OTUD7A: variants seen among roughly 807,000 people sequenced by gnomAD.
The protein encoded by OTUD7A is OTU deubiquitinase 7A, also known as OTU domain-containing protein 7A.
OTUD7A carries 12 observed loss-of-function variants against 65.7 expected under a neutral mutation model. The ratio of observed to expected loss-of-function variants is 0.18; its 90% CI spans 0.12 to 0.30. The LOEUF (loss-of-function observed/expected upper bound fraction) is 0.30, where lower values mean the gene tolerates loss of function less well. Ranked by LOEUF, OTUD7A falls within the 10% of genes least tolerant of loss-of-function variation. The pLI, the probability that OTUD7A is intolerant of heterozygous loss-of-function variation, is 1.00. For missense variants in OTUD7A, 1,148 were observed against 1,304.8 expected, an observed-to-expected ratio of 0.88 and a Z score of 1.85; for synonymous variants, 641 against 586.3, an observed-to-expected ratio of 1.09 and a Z score of -1.35.
rs116867211 is a variant in OTUD7A at position 31,777,032 on chromosome 15, G to C, written c.-100+93475C>G. 3.4e-3 allele frequency among the ~76,000 whole-genome samples: 510 copies of C among 151,992 alleles called. 4 individuals carry two copies. The highest frequency in any genetic ancestry group is 6.3e-3 in the Non-Finnish European group (430 of 67,978). On this transcript the variant is annotated intron_variant, in intron 1 of 12. Coordinates refer to ENST00000307050, the MANE Select transcript of OTUD7A (RefSeq NM_001382637.1). ...ACAAGGCCACCTGCCCCCTAGCTCAGTGCATTTGGACAGCTGTAATGTGAT... is the reference window on the plus strand; with the variant it reads ...ACAAGGCCACCTGCCCCCTAGCTCACTGCATTTGGACAGCTGTAATGTGAT...
chr15:31,636,290 C>T (rs2141256294), intron 3 of OTUD7A, among the ~76,000 whole-genome samples: 1 of 152,290 alleles, frequency 6.6e-6, no homozygotes, highest in South Asian at 2.1e-4. Flanking sequence ...CAAACTTTTC[C>T]ATTAGGATTA....
chr15:31,734,382 T>C (rs1378992077), intron 1 of OTUD7A, among the ~76,000 whole-genome samples: 1 of 152,210 alleles, frequency 6.6e-6, no homozygotes, highest in Admixed American at 6.5e-5. Context: ...ATTGAGATTC[T>C]TCATAGAACT....
intron 1 of OTUD7A, among the ~76,000 whole-genome samples, chr15:31,762,410 C>T (rs1050033624): frequency 3.9e-5 from 6 of 152,188 alleles, no homozygotes; most frequent in South Asian, 2.1e-4. Flanking sequence ...ACACTAAAGC[C>T]CTGGCTATCT....
chr15:31,572,614 G>A (rs1217398615), intron 3 of OTUD7A, among the ~76,000 whole-genome samples: 2 of 152,132 alleles, frequency 1.3e-5, no homozygotes, highest in Non-Finnish European at 2.9e-5. Flanking sequence ...CACTCAGAGA[G>A]GGATGAGCTG....
chr15:31,687,158 T>G (rs1216158807), intron 1 of OTUD7A, among the ~76,000 whole-genome samples: 1 of 150,142 alleles, frequency 6.7e-6, no homozygotes, highest in East Asian at 1.9e-4. Context: ...AATTGGTTAC[T>G]GACTGAAAGG....
At chr15:31,858,682 C>T (rs1397142696) in intron 1 of OTUD7A, among the ~76,000 whole-genome samples, 1 of 152,230 alleles carries the variant, frequency 6.6e-6, no homozygotes, top group African/African-American at 2.4e-5. Flanking sequence ...GGCCAGGTTC[C>T]CCGTCTTGCC....
At chr15:31,547,747 C>T (rs992939621) in intron 5 of OTUD7A, among the ~76,000 whole-genome samples, 1 of 152,126 alleles carries the variant, frequency 6.6e-6, no homozygotes, top group African/African-American at 2.4e-5. Context: ...AGTTCAGACA[C>T]ACCCCAAGGC....
rs138293032 is a variant in OTUD7A, at chr15:31,553,249, T to C, written c.550+5720A>G. Among the ~76,000 whole-genome samples the C allele has an allele frequency of 4.3e-3, 660 of 152,272 alleles. 7 individuals are homozygous for C. The highest frequency in any genetic ancestry group is 0.015 in the African/African-American group (624 of 41,542). Reference sequence around the variant, plus strand: ...CCCAGGCCCGCACATTCCCAGTCTCTTCTGCTGGCTCCTTCTTCTGTTCCT... The same window carrying C: ...CCCAGGCCCGCACATTCCCAGTCTCCTCTGCTGGCTCCTTCTTCTGTTCCT... On this transcript the variant is annotated intron_variant, in intron 5 of 12. Transcript: ENST00000307050.
chr15:31,548,610 G>A (rs1888213400), intron 5 of OTUD7A, among the ~76,000 whole-genome samples: 1 of 152,024 alleles, frequency 6.6e-6, no homozygotes, highest in Non-Finnish European at 1.5e-5. Flanking sequence ...GCAATTGCAT[G>A]CAGCCGATGT....
At chr15:31,629,219 G>A (rs998052043) in intron 3 of OTUD7A, among the ~76,000 whole-genome samples, 2 of 152,144 alleles carry the variant, frequency 1.3e-5, no homozygotes, top group African/African-American at 4.8e-5. Context: ...GTATGATATT[G>A]GCTGTGGGTT....
intron 1 of OTUD7A, among the ~76,000 whole-genome samples, chr15:31,729,942 A>G (rs950710968): frequency 1.3e-5 from 2 of 152,000 alleles, no homozygotes; most frequent in African/African-American, 4.8e-5. Flanking sequence ...CTCCTATGAT[A>G]CTAATGATTC....
intron 3 of OTUD7A, among the ~76,000 whole-genome samples, chr15:31,617,827 A>G (rs894101801): frequency 2.6e-5 from 4 of 151,916 alleles, no homozygotes; most frequent in African/African-American, 9.7e-5. Context: ...TGTGCACAAC[A>G]TGCAGGTTTG....
chr15:31,701,540 A>G lies in OTUD7A; in HGVS notation c.-99-44463T>C, dbSNP rs1444680512. On this transcript the variant is annotated intron_variant, in intron 1 of 12. Coordinates refer to ENST00000307050, the MANE Select transcript of OTUD7A (RefSeq NM_001382637.1). ...TATTATGAACAATTCTACATATATA[A>G]ATTTAGCAACTTAGATGAAATGGAC... 2.0e-5 allele frequency among the ~76,000 whole-genome samples: 3 copies of G among 151,962 alleles called. No homozygotes were observed. The East Asian group carries it at 5.8e-4, about 29-fold the overall frequency.
At chr15:31,713,321 T>C (rs1223141851) in intron 1 of OTUD7A, among the ~76,000 whole-genome samples, 1 of 152,096 alleles carries the variant, frequency 6.6e-6, no homozygotes, top group East Asian at 1.9e-4. Flanking sequence ...AAAACTACTA[T>C]TGAAATGGTA....
At chr15:31,579,199 T>G (rs892283928) in intron 3 of OTUD7A, among the ~76,000 whole-genome samples, 1 of 152,070 alleles carries the variant, frequency 6.6e-6, no homozygotes, top group Non-Finnish European at 1.5e-5. Context: ...GGCAGGAAGT[T>G]TGTAAGGGGA....
intron 1 of OTUD7A, among the ~76,000 whole-genome samples, chr15:31,723,532 T>C (rs1391130326): frequency 6.9e-6 from 1 of 145,720 alleles, no homozygotes; most frequent in Admixed American, 6.9e-5. Context: ...ACTTTTTCAA[T>C]GATATAATTA....
intron 6 of OTUD7A, among the ~76,000 whole-genome samples, chr15:31,528,703 A>G (rs936675000): frequency 1.3e-5 from 2 of 152,164 alleles, no homozygotes; most frequent in East Asian, 1.9e-4. Context: ...TGTCCTGCAT[A>G]TATCTGCCTA....
intron 1 of OTUD7A, among the ~76,000 whole-genome samples, chr15:31,745,235 G>T (rs10431788): frequency 0.97 from 147,737 of 152,192 alleles, 71,861 homozygotes; most frequent in East Asian, 1. Flanking sequence ...TGATCTAGAA[G>T]AGCCAAAATT....
intron 1 of OTUD7A, among the ~76,000 whole-genome samples, chr15:31,740,570 A>C (rs1894315612): frequency 6.6e-6 from 1 of 152,138 alleles, no homozygotes; most frequent in Non-Finnish European, 1.5e-5. Context: ...GTGAATTCTC[A>C]ATGTATTTTG....
Sources: allele counts gnomAD v4.1 joint callset (sites outside exome capture counted in the v4.1 genomes callset), GRCh38; gene constraint gnomAD v4.1.1; transcripts MANE v1.5; gene names NCBI Gene and HGNC (gene_info 2026-07-23, HGNC 2026-07-21).